Variants in RIPOR2 observed in about 807,000 individuals in gnomAD.
RIPOR2 encodes the protein rho family-interacting cell polarization regulator 2.
In RIPOR2, 39 loss-of-function variants were observed where a neutral mutation model predicts 114.5. The observed-to-expected ratio is 0.34, with a 90% CI of 0.26 to 0.44. RIPOR2 has a LOEUF of 0.44. Among genes scored for constraint, RIPOR2 ranks in the 20% least tolerant of loss-of-function variants. RIPOR2 has a pLI of 1.00. For synonymous variants in RIPOR2, 445 were observed against 484.4 expected (o/e 0.92, Z 1.07); for missense variants, 1,007 against 1,255.1 (o/e 0.80, Z 2.99).
In RIPOR2 at chr6:25,037,382, C is replaced by T. The variant is rs546179241; in HGVS notation, c.76+4469G>A. ...GTTATCTGTGCCCACCCCTCATTCC[C>T]GTGCCCTGCCCTGACCCTGCTGTCA... On this transcript the variant is annotated intron_variant, in intron 1 of 13. Coordinates refer to the RIPOR2 transcript ENST00000510784. The surrounding 1 kb of genome is among the most constrained non-coding windows in gnomAD (Gnocchi z 4.5). Among the ~76,000 whole-genome samples, 42 of 152,276 alleles carry T rather than the reference C, an allele frequency of 2.8e-4. No homozygotes were observed. The highest frequency in any genetic ancestry group is 9.1e-4 in the African/African-American group (38 of 41,558).
chr6:24,949,137 A>G, intron 1 of RIPOR2, among the ~76,000 whole-genome samples: 1 of 152,076 alleles, frequency 6.6e-6, no homozygotes, highest in East Asian at 1.9e-4. Flanking sequence ...AGCGCCACCC[A>G]TCCTCTCTGA....
At chr6:24,860,242 A>T (rs1285280384) in intron 8 of RIPOR2, among the ~76,000 whole-genome samples, 2 of 152,224 alleles carry the variant, frequency 1.3e-5, no homozygotes, top group African/African-American at 4.8e-5. Context: ...GGAAGAATTT[A>T]AAGATCACCC....
At chr6:25,007,184 C>T (rs1775591321) in intron 1 of RIPOR2, among the ~76,000 whole-genome samples, 1 of 152,158 alleles carries the variant, frequency 6.6e-6, no homozygotes, top group Non-Finnish European at 1.5e-5. Flanking sequence ...TTAATATCTT[C>T]AATAGATAAA....
intron 1 of RIPOR2, among the ~76,000 whole-genome samples, chr6:24,967,696 T>A (rs1347675054): frequency 6.6e-6 from 1 of 152,212 alleles, no homozygotes; most frequent in Admixed American, 6.5e-5. Flanking sequence ...ATATTAGTTG[T>A]TTTCCTGTGT....
At position 24,894,356 on chromosome 6, in the gene RIPOR2, T is replaced by C. The variant is rs140687243; in HGVS notation, c.62-18539A>G. Among the ~76,000 whole-genome samples the C allele has an allele frequency of 4.1e-3, 621 of 152,322 alleles. 4 individuals carry two copies. The highest frequency in any genetic ancestry group is 0.014 in the African/African-American group (577 of 41,558). On this transcript the variant is annotated intron_variant, in intron 1 of 21. Coordinates refer to ENST00000643898, the MANE Select transcript of RIPOR2 (RefSeq NM_001286445.3). ...ATAGAAGGGAAATTCATCTGTATTCTGAGACTGACCTGTAGGCAACTGTTC... is the reference window on the plus strand; with the variant it reads ...ATAGAAGGGAAATTCATCTGTATTCCGAGACTGACCTGTAGGCAACTGTTC...
At chr6:24,952,874 G>C (rs954007552) in intron 1 of RIPOR2, among the ~76,000 whole-genome samples, 1 of 152,196 alleles carries the variant, frequency 6.6e-6, no homozygotes, top group Admixed American at 6.5e-5. Flanking sequence ...ATAAGGAGTA[G>C]CCATATAGTT....
upstream of RIPOR2, among the ~76,000 whole-genome samples, chr6:24,940,846 GT>G (rs1415987767): frequency 6.6e-6 from 1 of 152,110 alleles, no homozygotes; most frequent in Non-Finnish European, 1.5e-5. Flanking sequence ...TAGAGACGAG[GT>G]TTCACCATGT....
At chr6:24,947,551 G>C (rs1328803676) in intron 1 of RIPOR2, among the ~76,000 whole-genome samples, 1 of 152,198 alleles carries the variant, frequency 6.6e-6, no homozygotes, top group Non-Finnish European at 1.5e-5. Flanking sequence ...GAACGGTCCT[G>C]CTCAGGAGGG....
intron 1 of RIPOR2, among the ~76,000 whole-genome samples, chr6:24,993,312 G>A (rs1485193336): frequency 6.6e-6 from 1 of 152,198 alleles, no homozygotes; most frequent in African/African-American, 2.4e-5. Context: ...TTGTTGAATT[G>A]AAGCCTTTAC....
At position 24,848,071 on chromosome 6, in the gene RIPOR2, C is replaced by G; in HGVS notation, c.1118G>C (p.Ser373Thr). 6.2e-7 allele frequency: 1 copy of G among 1,613,954 alleles called. No homozygotes were observed. Among genetic ancestry groups the G allele is most frequent in the East Asian group, 2.2e-5 (1 of 44,876 alleles). ...AALQRRMSMY[S>T]QGTPETPTFK... The stretch of plus-strand genomic sequence containing the variant: ...GGTGGGCGTTTCCGGGGTACCCTGG[C>G]TGTACATGGACATTCTCCTCTGAAG... Residue 373 changes from serine to threonine, a missense_variant, in exon 12 of 22, where the codon AGC (serine) becomes ACC (threonine). By Grantham distance (58) the Ser-to-Thr change is moderately conservative (BLOSUM62 1). Transcript: ENST00000643898.
intron 19 of RIPOR2, among the ~76,000 whole-genome samples, chr6:24,824,561 G>A (rs975568059): frequency 1.3e-5 from 2 of 152,200 alleles, no homozygotes; most frequent in Non-Finnish European, 2.9e-5. Context: ...ATGAGCCAAT[G>A]TACTTAAACT....
At chr6:24,940,540 G>A (rs1772070451), upstream of RIPOR2, among the ~76,000 whole-genome samples, 2 of 152,078 alleles carry the variant, frequency 1.3e-5, no homozygotes, top group South Asian at 4.1e-4. Flanking sequence ...CACAGAGTCA[G>A]AAATAATCTT....
intron 1 of RIPOR2, among the ~76,000 whole-genome samples, chr6:24,922,262 A>G (rs1770550906): frequency 6.6e-6 from 1 of 152,230 alleles, no homozygotes; most frequent in African/African-American, 2.4e-5. Flanking sequence ...TGCTAATCTC[A>G]AAGTATTTTT....
intron 11 of RIPOR2, among the ~76,000 whole-genome samples, chr6:24,848,818 A>G (rs1236529228): frequency 6.6e-6 from 1 of 152,234 alleles, no homozygotes; most frequent in Non-Finnish European, 1.5e-5. Context: ...CCATATTGTA[A>G]ATGAGACCCT....
intron 9 of RIPOR2, among the ~76,000 whole-genome samples, chr6:24,852,314 C>A (rs1376425079): frequency 3.3e-5 from 5 of 151,646 alleles, no homozygotes; most frequent in African/African-American, 1.2e-4. Context: ...AATGGTTCAG[C>A]AAAATAATAG....
chr6:24,937,974 C>T (rs190463024), upstream of RIPOR2, among the ~76,000 whole-genome samples: 137 of 152,212 alleles, frequency 9.0e-4, no homozygotes, highest in Admixed American at 3.1e-3. Flanking sequence ...AGGGCCCTAG[C>T]TATTCCACTT....
At chr6:24,931,035 G>A (rs1366270337) in intron 1 of RIPOR2, among the ~76,000 whole-genome samples, 2 of 152,188 alleles carry the variant, frequency 1.3e-5, no homozygotes, top group Non-Finnish European at 2.9e-5. Flanking sequence ...TCCATGGAGG[G>A]TATGACTTAA....
At chr6:24,878,877 G>A (rs1766071956) in intron 1 of RIPOR2, among the ~76,000 whole-genome samples, 1 of 141,642 alleles carries the variant, frequency 7.1e-6, no homozygotes, top group Non-Finnish European at 1.5e-5. Flanking sequence ...TTCATTAAAT[G>A]AATTAAACGC....
At chr6:24,963,310 G>A (rs1184172603) in intron 1 of RIPOR2, among the ~76,000 whole-genome samples, 1 of 152,166 alleles carries the variant, frequency 6.6e-6, no homozygotes, top group Non-Finnish European at 1.5e-5. Flanking sequence ...TGGGATTACA[G>A]GCATGAGTCA....
Sources: allele counts gnomAD v4.1 joint callset (sites outside exome capture counted in the v4.1 genomes callset), GRCh38; gene constraint gnomAD v4.1.1; non-coding constraint Gnocchi (gnomAD v3.1); transcripts MANE v1.5; gene names NCBI Gene and HGNC (gene_info 2026-07-23, HGNC 2026-07-21).